The following BTK variants were observed in gnomAD, a reference collection of about 807,000 sequenced individuals.
BTK encodes tyrosine-protein kinase BTK.
In BTK, 5 loss-of-function variants were observed where a neutral mutation model predicts 57.4. The observed-to-expected ratio is 0.09, with a 90% CI of 0.05 to 0.18. BTK has a LOEUF of 0.18. BTK is among the 10% of genes least tolerant of loss of function. The pLI is 1.00. For missense variants in BTK, 194 were observed against 501.2 expected, an observed-to-expected ratio of 0.39 and a Z score of 5.85; for synonymous variants, 154 against 174.3, an observed-to-expected ratio of 0.88 and a Z score of 0.92.
At chrX:101,369,501 T>A (rs1390658456) in intron 5 of BTK, among the ~76,000 whole-genome samples, 1 of 111,792 alleles carries the variant, frequency 8.9e-6, no homozygotes, top group Non-Finnish European at 1.9e-5. Flanking sequence ...TATTTTATAC[T>A]TAGGATTCTA....
rs200840918 is a variant in BTK at position 101,362,744 on chromosome X, T to C, written c.392-55A>G. On this transcript the variant is annotated intron_variant, in intron 5 of 18. Transcript: ENST00000308731. ...TCTGACATGGAGGAGAAGCCACCATTTGCATGTTTTCCTCTTTGAGCTTAG... is the reference window on the plus strand; with the variant it reads ...TCTGACATGGAGGAGAAGCCACCATCTGCATGTTTTCCTCTTTGAGCTTAG... 4.6e-5 allele frequency: 56 copies of C among 1,204,811 alleles called. 1 individual carries two copies. In the South Asian group the frequency reaches 9.4e-4, roughly 20 times the overall value.
At chrX:101,389,615 C>T (rs782252304), upstream of BTK, among the ~76,000 whole-genome samples, 18 of 111,450 alleles carry the variant, frequency 1.6e-4, no homozygotes, top group Non-Finnish European at 2.4e-4. Context: ...CAGACTCTCA[C>T]GGTTCTTCAG....
intron 1 of BTK, chrX:101,378,083 ATT>A (rs536846518): frequency 6.7e-5 from 6 of 90,171 alleles, no homozygotes; most frequent in Non-Finnish European, 6.4e-5. Flanking sequence ...GAAAGGCCCC[ATT>A]TTTTTTTTTT....
intron 1 of BTK, among the ~76,000 whole-genome samples, chrX:101,384,264 T>C (rs1198701282): frequency 8.9e-6 from 1 of 112,034 alleles, no homozygotes; most frequent in Non-Finnish European, 1.9e-5. Flanking sequence ...CCCCCATAAC[T>C]GGATGGAAAG....
intron 1 of BTK, among the ~76,000 whole-genome samples, chrX:101,381,322 A>C (rs1263006632): frequency 8.9e-6 from 1 of 111,834 alleles, no homozygotes; most frequent in East Asian, 2.8e-4. Context: ...TGGCAAACCT[A>C]GGTCCAGCTT....
chrX:101,367,500 G>A (rs1030671085), intron 5 of BTK, among the ~76,000 whole-genome samples: 36 of 106,765 alleles, frequency 3.4e-4, no homozygotes, highest in Non-Finnish European at 6.4e-4. Context: ...GCTGGGCATG[G>A]TGGCAGGCGC....
chrX:101,350,764 T>C (rs782694558), intron 18 of BTK, among the ~76,000 whole-genome samples: 1 of 110,900 alleles, frequency 9.0e-6, no homozygotes, highest in Non-Finnish European at 1.9e-5. Context: ...AAGGTTCTTT[T>C]TGATGGCCAT....
upstream of BTK, chrX:101,390,761 C>A: frequency 2.2e-6 from 1 of 463,422 alleles, no homozygotes; most frequent in Non-Finnish European, 3.7e-6. Context: ...AACGCCACTA[C>A]GTAGCAGAGT....
intron 1 of BTK, among the ~76,000 whole-genome samples, chrX:101,379,592 G>C (rs1233479016): frequency 8.9e-6 from 1 of 111,900 alleles, no homozygotes; most frequent in East Asian, 2.8e-4. Context: ...CTTTTTTTGT[G>C]GTGTTTCACT....
At chrX:101,389,570 G>A (rs1276371886), upstream of BTK, among the ~76,000 whole-genome samples, 5 of 111,157 alleles carry the variant, frequency 4.5e-5, no homozygotes, top group East Asian at 2.8e-4. Context: ...CAGGTCCCAC[G>A]CGTGTTCCTG....
upstream of BTK, among the ~76,000 whole-genome samples, chrX:101,387,345 AC>A (rs1326027410): frequency 2.3e-5 from 2 of 85,265 alleles, no homozygotes; most frequent in East Asian, 3.5e-4. Flanking sequence ...AGGCCCTGGG[AC>A]CTTTTTTTTT....
At position 101,379,418 on chromosome X, in the gene BTK, A is replaced by G. The variant is rs151263567; in HGVS notation, c.-30-4104T>C. On this transcript the variant is annotated intron_variant, in intron 1 of 18. Transcript: ENST00000308731. ...TCCCTGTCTTTCCTTAGGGGGATGG[A>G]ATGGAACTTCTGTTCCTTTCAGTGA... 5.5e-3 allele frequency among the ~76,000 whole-genome samples: 617 copies of G among 111,783 alleles called. 4 individuals carry two copies. Among genetic ancestry groups the G allele is most frequent in the Non-Finnish European group, 1.0e-2 (531 of 53,153 alleles).
At chrX:101,351,152 C>A (rs1042756675) in intron 18 of BTK, among the ~76,000 whole-genome samples, 5 of 111,271 alleles carry the variant, frequency 4.5e-5, no homozygotes, top group Non-Finnish European at 7.5e-5. Flanking sequence ...CACATCACCA[C>A]GCCTGGTTAA....
At chrX:101,382,819 T>C (rs1447123555) in intron 1 of BTK, among the ~76,000 whole-genome samples, 1 of 111,221 alleles carries the variant, frequency 9.0e-6, no homozygotes, top group Non-Finnish European at 1.9e-5. Context: ...TTCAACCTAG[T>C]TTTTGTTTTC....
In BTK at chrX:101,352,020, G is replaced by A. The variant is rs1465038694; in HGVS notation, c.1908+1174C>T. On this transcript the variant is annotated intron_variant, in intron 18 of 18. Coordinates refer to ENST00000308731, the MANE Select transcript of BTK (RefSeq NM_000061.3). The stretch of plus-strand genomic sequence containing the variant: ...CTACTAAAAATACAAAAAATTAGCC[G>A]GGCGTGGTGGCGGGCCCCTGTAGTC... Among the ~76,000 whole-genome samples, 4 of 109,667 alleles carry A rather than the reference G, an allele frequency of 3.6e-5. 1 individual carries two copies. The highest frequency in any genetic ancestry group is 5.8e-4 in the East Asian group (2 of 3,473).
chrX:101,354,013 C>T, intron 16 of BTK, 25 bp from the exon 17 acceptor site: 2 of 1,102,602 alleles, frequency 1.8e-6, no homozygotes, highest in Non-Finnish European at 2.5e-6. Context: ...GGACTTGTTG[C>T]ATTAGGATTT....
chrX:101,388,282 G>C (rs1258971160), upstream of BTK, among the ~76,000 whole-genome samples: 6 of 111,411 alleles, frequency 5.4e-5, no homozygotes, highest in South Asian at 3.7e-4. Flanking sequence ...ACAAGAGAGA[G>C]AGAGGAGCAC....
intron 17 of BTK, 65 bp downstream of exon 17, chrX:101,353,805 G>A: frequency 1.1e-6 from 1 of 933,248 alleles, no homozygotes; most frequent in Middle Eastern, 2.6e-4. Context: ...GTTGCAAAGT[G>A]TGAATTTTCC....
intron 1 of BTK, among the ~76,000 whole-genome samples, chrX:101,383,540 T>G (rs1555982090): frequency 1.8e-5 from 2 of 110,709 alleles, no homozygotes; most frequent in African/African-American, 6.6e-5. Context: ...GACAAATCTT[T>G]TTTTTTTTTC....
Sources: gnomAD v4.1 joint callset for allele counts (sites outside exome capture counted in the v4.1 genomes callset) on GRCh38, gnomAD v4.1.1 for gene constraint, MANE v1.5 for transcripts, NCBI Gene and HGNC (gene_info 2026-07-23, HGNC 2026-07-21) for gene names.